Variants in PRKCE observed in about 807,000 individuals in gnomAD.
The protein encoded by PRKCE is protein kinase C epsilon.
A neutral mutation model predicts 85.4 loss-of-function variants in PRKCE; 16 were observed. That is an observed-to-expected ratio of 0.19 (90% CI 0.13 to 0.28). PRKCE has a LOEUF of 0.28. Among genes scored for constraint, PRKCE ranks in the 10% least tolerant of loss-of-function variants. The probability of loss-of-function intolerance (pLI) is 1.00; values close to 1 mark genes in which losing one functional copy is unlikely to be tolerated. For synonymous variants in PRKCE, 388 were observed against 371.5 expected, an observed-to-expected ratio of 1.04 and a Z score of -0.51; for missense variants, 573 against 975.2, an observed-to-expected ratio of 0.59 and a Z score of 5.49.
chr2:46,109,913 G>T (rs1181839993), intron 11 of PRKCE, among the ~76,000 whole-genome samples: 4 of 151,988 alleles, frequency 2.6e-5, no homozygotes, highest in Admixed American at 1.3e-4. Context: ...TAATGAATGG[G>T]TATTGGATTT....
intron 2 of PRKCE, among the ~76,000 whole-genome samples, chr2:45,925,421 C>G (rs542767382): frequency 1.3e-5 from 2 of 152,200 alleles, no homozygotes; most frequent in East Asian, 1.9e-4. Flanking sequence ...CTCAGCCTCC[C>G]GAGTAGCTGG....
intron 2 of PRKCE, among the ~76,000 whole-genome samples, chr2:45,856,229 G>T (rs1014410786): frequency 6.6e-6 from 1 of 151,834 alleles, no homozygotes; most frequent in Admixed American, 6.6e-5. Flanking sequence ...TCATTTGTTT[G>T]TTTCTTTTTC....
At chr2:46,046,599 A>G (rs997035774) in intron 10 of PRKCE, among the ~76,000 whole-genome samples, 7 of 152,198 alleles carry the variant, frequency 4.6e-5, no homozygotes, top group Non-Finnish European at 7.4e-5. Flanking sequence ...TTTTCTAATT[A>G]AGACACGTTA....
At chr2:45,842,389 T>C (rs1691426322) in intron 1 of PRKCE, among the ~76,000 whole-genome samples, 1 of 152,184 alleles carries the variant, frequency 6.6e-6, no homozygotes. Context: ...CCCCATTTTT[T>C]AACTCCACAA....
At chr2:45,824,127 A>G (rs1055810118) in intron 1 of PRKCE, among the ~76,000 whole-genome samples, 1 of 152,234 alleles carries the variant, frequency 6.6e-6, no homozygotes, top group South Asian at 2.1e-4. Flanking sequence ...CAAGTTTACT[A>G]TGTTTGTTGG....
chr2:45,767,219 G>T (rs1684980392), intron 1 of PRKCE, among the ~76,000 whole-genome samples: 1 of 152,056 alleles, frequency 6.6e-6, no homozygotes, highest in South Asian at 2.1e-4. Context: ...CTGGAAGGAG[G>T]GTAGAGAGGA....
At chr2:45,985,625 T>C (rs774682635) in intron 6 of PRKCE, among the ~76,000 whole-genome samples, 3 of 151,998 alleles carry the variant, frequency 2.0e-5, no homozygotes, top group African/African-American at 4.8e-5. Flanking sequence ...AATGAGAAAC[T>C]ATGAGAATTG....
At chr2:45,713,934 A>G (rs1358137463) in intron 1 of PRKCE, among the ~76,000 whole-genome samples, 1 of 152,232 alleles carries the variant, frequency 6.6e-6, no homozygotes, top group Non-Finnish European at 1.5e-5. Flanking sequence ...TTCTTGAGAC[A>G]GTAAAATGTC....
intron 2 of PRKCE, among the ~76,000 whole-genome samples, chr2:45,885,001 A>ATTTTTTTTTTTTTTTT (rs55883420): frequency 1.4e-5 from 1 of 71,544 alleles, no homozygotes. Context: ...ATATATATAT[A>ATTTTTTTTTTTTTTTT]TTTGTTGTTG....
At chr2:45,931,551 G>A (rs13036100) in intron 2 of PRKCE, among the ~76,000 whole-genome samples, 38,002 of 152,088 alleles carry the variant, frequency 0.25, 5,874 homozygotes, top group South Asian at 0.37. Context: ...TTGCTTCACC[G>A]TTCCATTGGG....
chr2:45,676,562 C>T (rs1676462288), intron 1 of PRKCE, among the ~76,000 whole-genome samples: 1 of 152,190 alleles, frequency 6.6e-6, no homozygotes, highest in African/African-American at 2.4e-5. Context: ...AAACTCTGAT[C>T]CATACATGGA....
At chr2:46,034,795 T>A (rs1707754761) in intron 10 of PRKCE, among the ~76,000 whole-genome samples, 2 of 152,372 alleles carry the variant, frequency 1.3e-5, no homozygotes, top group South Asian at 4.1e-4. Context: ...TTAGAGATAT[T>A]ATTTCTGGCA....
intron 11 of PRKCE, among the ~76,000 whole-genome samples, chr2:46,134,520 A>G (rs1674767178): frequency 1.3e-5 from 2 of 152,256 alleles, no homozygotes; most frequent in Non-Finnish European, 2.9e-5. Flanking sequence ...TCGTGTAAAA[A>G]TGCCTGCTGG....
At chr2:45,766,148 T>C (rs1684893757) in intron 1 of PRKCE, among the ~76,000 whole-genome samples, 1 of 152,182 alleles carries the variant, frequency 6.6e-6, no homozygotes, top group African/African-American at 2.4e-5. Context: ...GGATCTGCAG[T>C]GTTGATCTGT....
chr2:45,928,286 G>C (rs1698779003), intron 2 of PRKCE, among the ~76,000 whole-genome samples: 1 of 152,110 alleles, frequency 6.6e-6, no homozygotes, highest in Non-Finnish European at 1.5e-5. Flanking sequence ...ACTTCTTTTT[G>C]AGATAGAATC....
intron 2 of PRKCE, among the ~76,000 whole-genome samples, chr2:45,868,192 C>T (rs1457856778): frequency 1.4e-5 from 2 of 141,320 alleles, no homozygotes; most frequent in Admixed American, 7.1e-5. Flanking sequence ...CATGCCTGGT[C>T]TGGTTGGGGG....
At chr2:45,813,272 G>A (rs895817718) in intron 1 of PRKCE, among the ~76,000 whole-genome samples, 3 of 152,100 alleles carry the variant, frequency 2.0e-5, no homozygotes, top group Admixed American at 1.3e-4. Context: ...TTCATTCTGC[G>A]GGGACCTTGT....
At chr2:46,107,844 G>A (rs1303078249) in intron 11 of PRKCE, among the ~76,000 whole-genome samples, 3 of 152,034 alleles carry the variant, frequency 2.0e-5, no homozygotes, top group Non-Finnish European at 2.9e-5. Context: ...TTTGCCATCT[G>A]TATATCTGTA....
Position 46,185,036 on chromosome 2 carries a change from C to T in PRKCE, c.*155C>T. 9.8e-7 allele frequency: 1 copy of T among 1,025,624 alleles called. No homozygotes were observed. The highest frequency in any genetic ancestry group is 1.4e-6 in the Non-Finnish European group (1 of 718,226). 63.5% of individuals were successfully genotyped at this position (1,025,624 alleles called of 1,614,324 possible). A position where few individuals can be genotyped will look rare whatever the true frequency, so the allele number is the denominator to read the frequency against. On this transcript the variant is annotated 3_prime_UTR_variant, in exon 15 of 15. Transcript: ENST00000306156. This position sits in a 1 kb window ranked among gnomAD's most constrained non-coding sequence, Gnocchi z 4.7. ...TTTATTGCATTCCCTTGCCCCAGGC[C>T]ACCTCCTCCCCCTCCCACCTGGTGA...
Sources: gnomAD v4.1 joint callset for allele counts (sites outside exome capture counted in the v4.1 genomes callset) on GRCh38, gnomAD v4.1.1 for gene constraint, Gnocchi (gnomAD v3.1) non-coding constraint, MANE v1.5 for transcripts, NCBI Gene and HGNC (gene_info 2026-07-23, HGNC 2026-07-21) for gene names.